The following ANKIB1 variants were observed in gnomAD, a reference collection of about 807,000 sequenced individuals.
ANKIB1 encodes the protein ankyrin repeat and IBR domain containing 1, also known as ankyrin repeat and IBR domain-containing protein 1.
Under a neutral mutation model 122.1 loss-of-function variants are expected in ANKIB1, and 43 were observed. The ratio of observed to expected loss-of-function variants is 0.35; its 90% CI spans 0.28 to 0.45. ANKIB1 has a LOEUF of 0.45. Among genes scored for constraint, ANKIB1 ranks in the 20% least tolerant of loss-of-function variants. The pLI is 1.00. For synonymous variants in ANKIB1, 390 were observed against 442.0 expected (o/e 0.88, Z 1.48); for missense variants, 992 against 1,329.5 (o/e 0.75, Z 3.95).
chr7:92,301,708 C>T (rs1802460075), intron 2 of ANKIB1, among the ~76,000 whole-genome samples: 1 of 152,118 alleles, frequency 6.6e-6, no homozygotes, highest in Non-Finnish European at 1.5e-5. Flanking sequence ...CTTTCTTATA[C>T]TTTTACATCA....
At chr7:92,338,877 A>C (rs1364444384) in intron 5 of ANKIB1, among the ~76,000 whole-genome samples, 1 of 121,202 alleles carries the variant, frequency 8.3e-6, no homozygotes, top group Admixed American at 9.8e-5. Flanking sequence ...GCACCACTGC[A>C]CTCCAGCCTG....
chr7:92,313,181 A>G (rs542288345), intron 3 of ANKIB1, among the ~76,000 whole-genome samples: 2 of 152,172 alleles, frequency 1.3e-5, no homozygotes, highest in Non-Finnish European at 2.9e-5. Flanking sequence ...CTACTTGCTT[A>G]TTCAGAGTTT....
chr7:92,389,055 A>G (rs2115702878), intron 14 of ANKIB1, among the ~76,000 whole-genome samples: 1 of 152,304 alleles, frequency 6.6e-6, no homozygotes, highest in East Asian at 1.9e-4. Context: ...CCTGACCCTT[A>G]ACAACATTCA....
chr7:92,266,638 G>A (rs984654855), intron 1 of ANKIB1, among the ~76,000 whole-genome samples: 11 of 152,180 alleles, frequency 7.2e-5, no homozygotes, highest in African/African-American at 2.7e-4. Context: ...GGGGCACTGT[G>A]TACTGCCTGG....
intron 12 of ANKIB1, 50 bp downstream of exon 12, chr7:92,386,693 A>G (rs1804658500): frequency 3.5e-6 from 5 of 1,425,412 alleles, no homozygotes; most frequent in Non-Finnish European, 3.7e-6. Context: ...GCTCACTGCC[A>G]CTGGAATTAT....
intron 18 of ANKIB1, among the ~76,000 whole-genome samples, chr7:92,396,883 G>A (rs1269027332): frequency 6.6e-6 from 1 of 152,098 alleles, no homozygotes; most frequent in Non-Finnish European, 1.5e-5. Context: ...TGTGTTCATG[G>A]AATATTTGTC....
intron 1 of ANKIB1, among the ~76,000 whole-genome samples, chr7:92,293,864 A>G (rs542627038): frequency 1.3e-5 from 2 of 152,266 alleles, no homozygotes; most frequent in Admixed American, 6.5e-5. Flanking sequence ...TAGCTCAAGA[A>G]TAGATCCAGA....
In ANKIB1 at chr7:92,396,581, C is replaced by T. The variant is rs117144480; in HGVS notation, c.2395+105C>T. Reference sequence around the variant, plus strand: ...TGAACGAGTTTGTCATTTAGATATACAATAAATATGCAGATGTTTCTGTTG... The same window carrying T: ...TGAACGAGTTTGTCATTTAGATATATAATAAATATGCAGATGTTTCTGTTG... On this transcript the variant is annotated intron_variant, in intron 18 of 19. Coordinates refer to ENST00000265742, the MANE Select transcript of ANKIB1 (RefSeq NM_019004.2). The T allele has an allele frequency of 8.9e-3, 5,636 of 635,428 alleles. 40 individuals carry two copies. Among genetic ancestry groups the T allele is most frequent in the Non-Finnish European group, 0.012 (4,341 of 354,748 alleles). The allele number at this position is 635,428 out of a possible 1,614,324, so 39.4% of individuals were successfully genotyped here.
Position 92,362,230 on chromosome 7 carries a change from G to A in ANKIB1, c.1443G>A (p.Trp481Ter). 6.2e-7 allele frequency: 1 copy of A among 1,601,086 alleles called. No homozygotes were observed. The highest frequency in any genetic ancestry group is 8.5e-7 in the Non-Finnish European group (1 of 1,173,642). ...EAHEPCDCQT[W>*]KNWLQKITEM... Reference sequence around the variant, plus strand: ...ATGAGCCTTGTGACTGCCAAACATGGAAGAATTGGCTGCAAAAAATAACCG... The same window carrying A: ...ATGAGCCTTGTGACTGCCAAACATGAAAGAATTGGCTGCAAAAAATAACCG... Residue 481 changes from tryptophan to a stop codon, truncating the protein, a stop_gained, in exon 10 of 20, where the codon TGG becomes TGA. Transcript: ENST00000265742. LOFTEE classifies it high-confidence loss of function.
intron 7 of ANKIB1, among the ~76,000 whole-genome samples, chr7:92,346,777 T>G (rs187177204): frequency 6.6e-5 from 10 of 152,332 alleles, no homozygotes; most frequent in Admixed American, 3.3e-4. Context: ...CAGGGGATTT[T>G]CTTGAATTTT....
chr7:92,285,824 A>G (rs1345016839), intron 1 of ANKIB1, among the ~76,000 whole-genome samples: 1 of 152,254 alleles, frequency 6.6e-6, no homozygotes, highest in African/African-American at 2.4e-5. Flanking sequence ...CTCTTAGGGT[A>G]GGAATCAAAG....
In ANKIB1 at chr7:92,295,038, C is replaced by T. The variant is rs1802325675; in HGVS notation, c.60C>T (p.Ala20=). The change falls in exon 2 of 20, where the codon GCC becomes GCT. Residue 20 remains alanine, a synonymous_variant. Coordinates refer to ENST00000265742, the MANE Select transcript of ANKIB1 (RefSeq NM_019004.2). ...KALINGDENL[A]CQIYENNPQL... ...TCATCAATGGTGATGAAAACCTGGC[C>T]TGCCAAATATATGAAAACAATCCTC... 1 of 1,605,778 alleles carries T rather than the reference C, an allele frequency of 6.2e-7. No individual in the cohort carries two copies. Among genetic ancestry groups the T allele is most frequent in the Non-Finnish European group, 8.5e-7 (1 of 1,176,218 alleles).
chr7:92,256,529 T>A (rs1801449463), intron 1 of ANKIB1, among the ~76,000 whole-genome samples: 1 of 152,056 alleles, frequency 6.6e-6, no homozygotes, highest in Non-Finnish European at 1.5e-5. Context: ...TTTCAAGGAG[T>A]TTGTATTTTA....
At position 92,294,952 on chromosome 7, in the gene ANKIB1, T is replaced by A. The variant is rs924074219; in HGVS notation, c.-27T>A. On this transcript the variant is annotated 5_prime_UTR_variant, in exon 2 of 20. Coordinates refer to ENST00000265742, the MANE Select transcript of ANKIB1 (RefSeq NM_019004.2). ...GAAGATAGAAGGAAAAAAGTGCCAC[T>A]GCCTATCAGAAAAAACAAAACAAAA... The A allele has an allele frequency of 6.4e-7, 1 of 1,551,858 alleles. No homozygotes were observed. Among genetic ancestry groups the A allele is most frequent in the Non-Finnish European group, 8.7e-7 (1 of 1,145,698 alleles).
In ANKIB1 at chr7:92,391,233, G is replaced by A. The variant is rs1804779534; in HGVS notation, c.2120G>A (p.Arg707His). 6.2e-7 allele frequency: 1 copy of A among 1,612,680 alleles called. No homozygotes were observed. Among genetic ancestry groups the A allele is most frequent in the Non-Finnish European group, 8.5e-7 (1 of 1,179,508 alleles). The change falls in exon 16 of 20, where the codon CGC becomes CAC. Residue 707 changes from arginine (R) to histidine (H), a missense_variant. Around this residue, in one of 4 missense-constraint regions of ANKIB1, gnomAD observed 521 missense variants for 777.7 expected, o/e 0.67. Transcript: ENST00000265742. ...KVNRPYLRTPRHKIIKAACLV... is the reference protein window; with the variant it reads ...KVNRPYLRTPHHKIIKAACLV... The stretch of plus-strand genomic sequence containing the variant: ...AATAGGCCTTACCTTCGCACACCCC[G>A]CCACAAGATCATCAAAGCAGCATGC...
chr7:92,324,920 T>C (rs972653413), intron 4 of ANKIB1, among the ~76,000 whole-genome samples: 8 of 152,214 alleles, frequency 5.3e-5, no homozygotes, highest in Admixed American at 5.2e-4. Flanking sequence ...ACTCTAGGTG[T>C]TTACGTTCCA....
At position 92,343,808 on chromosome 7, in the gene ANKIB1, T is replaced by C. The variant is rs566223141; in HGVS notation, c.996+576T>C. Among the ~76,000 whole-genome samples, 452 of 152,350 alleles carry C rather than the reference T, an allele frequency of 3.0e-3. 6 individuals carry two copies. The highest frequency in any genetic ancestry group is 0.011 in the African/African-American group (445 of 41,574). On this transcript the variant is annotated intron_variant, in intron 6 of 19. Transcript: ENST00000265742. ...AGCATTTACAATATATTGATAGTTA[T>C]GTATTTGTTTCAGTAAAGCTTCTGG... is the stretch of plus-strand genomic sequence containing the variant.
chr7:92,348,115 A>T (rs895610702), intron 7 of ANKIB1: 2 of 331,280 alleles, frequency 6.0e-6, no homozygotes, highest in African/African-American at 4.4e-5. Flanking sequence ...AGAAATAATA[A>T]TATGGCCAAC....
intron 11 of ANKIB1, among the ~76,000 whole-genome samples, chr7:92,375,508 A>T (rs972505259): frequency 1.3e-5 from 2 of 152,230 alleles, no homozygotes; most frequent in Non-Finnish European, 2.9e-5. Context: ...GCTTATCCGT[A>T]AGAAACAACT....
Sources: allele counts gnomAD v4.1 joint callset (sites outside exome capture counted in the v4.1 genomes callset), GRCh38; gene constraint gnomAD v4.1.1; regional missense constraint gnomAD v4.1.1; transcripts MANE v1.5; gene names NCBI Gene and HGNC (gene_info 2026-07-23, HGNC 2026-07-21).